The following TTI1 variants were observed in gnomAD, a reference collection of about 807,000 sequenced individuals.
TTI1 encodes TELO2 interacting protein 1, also known as TELO2-interacting protein 1 homolog.
In TTI1, 52 loss-of-function variants were observed where a neutral mutation model predicts 85.4. The observed-to-expected ratio is 0.61, with a 90% confidence interval of 0.49 to 0.77. The LOEUF is 0.77. Among genes scored for constraint, TTI1 ranks in the 30% least tolerant of loss-of-function variants. The pLI is 0.00. For synonymous variants in TTI1, 512 were observed against 503.9 expected (o/e 1.02, Z -0.22); for missense variants, 1,173 against 1,296.0 (o/e 0.91, Z 1.46).
rs2073146601 is a variant in TTI1, at chr20:37,983,378, A to G, written c.*78T>C. 1.1e-5 allele frequency: 16 copies of G among 1,465,228 alleles called. No individual in the cohort carries two copies. Among genetic ancestry groups the G allele is most frequent in the Non-Finnish European group, 1.3e-5 (14 of 1,089,526 alleles). 90.8% of individuals were successfully genotyped at this position (1,465,228 alleles called of 1,614,324 possible). On this transcript the variant is annotated 3_prime_UTR_variant, in exon 8 of 8. Transcript: ENST00000373447. ...TTCTCTGCTGCCGCTGCCACCGCCT[A>G]TGGCCGGGGTGGGGTCAGCCCAGCT...
At chr20:38,019,706 A>G (rs983669789) in intron 1 of TTI1, among the ~76,000 whole-genome samples, 6 of 152,266 alleles carry the variant, frequency 3.9e-5, no homozygotes, top group African/African-American at 1.4e-4. Flanking sequence ...AGTACAACTA[A>G]AACAGCGATT....
At chr20:37,991,377 A>G (rs1380512974) in intron 7 of TTI1, among the ~76,000 whole-genome samples, 2 of 152,236 alleles carry the variant, frequency 1.3e-5, no homozygotes, top group African/African-American at 2.4e-5. Context: ...CCGTTCAAAT[A>G]TAATAGGCTC....
chr20:37,991,569 C>T (rs2073265627), intron 7 of TTI1, among the ~76,000 whole-genome samples: 1 of 152,222 alleles, frequency 6.6e-6, no homozygotes. Flanking sequence ...GTCCTGACTT[C>T]TGCAAACAGT....
intron 1 of TTI1, among the ~76,000 whole-genome samples, chr20:38,033,122 G>A (rs1331556357): frequency 6.6e-6 from 1 of 152,172 alleles, no homozygotes; most frequent in African/African-American, 2.4e-5. Flanking sequence ...CACCAGGTGA[G>A]AAAGGGGATG....
At chr20:37,999,142 C>T (rs764267482) in intron 5 of TTI1, 46 bp downstream of exon 5, 14 of 1,328,496 alleles carry the variant, frequency 1.1e-5, no homozygotes, top group East Asian at 8.4e-5. Context: ...TCTGTGCCTA[C>T]TAACTCTACC....
intron 1 of TTI1, among the ~76,000 whole-genome samples, chr20:38,026,947 T>C (rs1443188581): frequency 2.0e-5 from 3 of 152,106 alleles, no homozygotes; most frequent in African/African-American, 7.2e-5. Flanking sequence ...CTTTGCTAGG[T>C]AAAGGTAAGT....
rs1159604655 is a variant in TTI1, at chr20:38,020,323, A to AATATATATATATATAT, written c.-41-6482_-41-6467dup. On this transcript the variant is annotated intron_variant, in intron 1 of 7. Transcript: ENST00000373447. Reference sequence around the variant, plus strand: ...GGCTACTCATATGAAAAAAAAAAAAAATATATATATATATATATATATATA... The same window carrying AATATATATATATATAT: ...GGCTACTCATATGAAAAAAAAAAAAAATATATATATATATATATATATATATATATATATATATATA... Among the ~76,000 whole-genome samples, 111 of 50,328 alleles carry AATATATATATATATAT rather than the reference A, an allele frequency of 2.2e-3. 1 individual carries two copies. Among genetic ancestry groups the AATATATATATATATAT allele is most frequent in the Middle Eastern group, 0.013 (1 of 78 alleles). The allele number at this position is 50,328 out of a possible 152,430, so 33.0% of individuals were successfully genotyped here.
intron 1 of TTI1, among the ~76,000 whole-genome samples, chr20:38,031,588 T>C (rs73905527): frequency 5.0e-4 from 76 of 152,366 alleles, no homozygotes; most frequent in African/African-American, 1.8e-3. Flanking sequence ...TATTCTAAAC[T>C]TGCATGTTTG....
rs2073496861 is a variant in TTI1, at chr20:38,006,268, T to C, written c.2432A>G (p.Gln811Arg). 1 of 1,614,210 alleles carries C rather than the reference T, an allele frequency of 6.2e-7. No individual in the cohort carries two copies. Among genetic ancestry groups the C allele is most frequent in the Non-Finnish European group, 8.5e-7 (1 of 1,180,030 alleles). The change falls in exon 3 of 8, where the codon CAG becomes CGG. Residue 811 changes from glutamine (Q) to arginine (R), a missense_variant. Transcript: ENST00000373447. The stretch of plus-strand genomic sequence containing the variant: ...CTCTTTGAGGTAGTTCAGCAAAAAC[T>C]GTTCGATGTCTTCAGCTGTGGTGGT... Reference protein sequence around the residue: ...KSTTTAEDIEQFLLNYLKEKD... With the variant: ...KSTTTAEDIERFLLNYLKEKD...
chr20:38,017,433 T>TGCGC (rs1301787772), intron 1 of TTI1, among the ~76,000 whole-genome samples: 2 of 149,026 alleles, frequency 1.3e-5, no homozygotes, highest in African/African-American at 5.1e-5. Flanking sequence ...TGTGTGTGTG[T>TGCGC]GTGCGCGCGC....
intron 1 of TTI1, among the ~76,000 whole-genome samples, chr20:38,014,358 C>T (rs12480128): frequency 0.023 from 3,567 of 152,204 alleles, 69 homozygotes; most frequent in Non-Finnish European, 0.033. Flanking sequence ...CAAAATAATT[C>T]CAACAACCTA....
Position 38,013,571 on chromosome 20 carries a change from A to G in TTI1, c.246T>C (p.Leu82=). 2 of 1,614,252 alleles carry G rather than the reference A, an allele frequency of 1.2e-6. No homozygotes were observed. Among genetic ancestry groups the G allele is most frequent in the Non-Finnish European group, 1.7e-6 (2 of 1,180,044 alleles). ...QSVVECLTFV[L]SSTCVKEQEL... ...CCTGTTCTTTCACACATGTTGAAGA[A>G]AGGACAAATGTGAGGCATTCCACCA... Residue 82 remains leucine, a synonymous_variant, in exon 2 of 8, where the codon CTT becomes CTC. Coordinates refer to ENST00000373447, the MANE Select transcript of TTI1 (RefSeq NM_001303457.2).
At chr20:38,021,693 G>A (rs1307433253) in intron 1 of TTI1, among the ~76,000 whole-genome samples, 2 of 152,184 alleles carry the variant, frequency 1.3e-5, no homozygotes, top group African/African-American at 4.8e-5. Flanking sequence ...TTGGCAAGTA[G>A]GCACTGGAGA....
At position 38,011,727 on chromosome 20, in the gene TTI1, T is replaced by C. The variant is rs1245807098; in HGVS notation, c.2090A>G (p.Tyr697Cys). 6.2e-7 allele frequency: 1 copy of C among 1,614,148 alleles called. No individual in the cohort carries two copies. Among genetic ancestry groups the C allele is most frequent in the Middle Eastern group, 1.6e-4 (1 of 6,062 alleles). ...LQHLINQNSD[Y>C]LVNGISLNLR... ...ATTTAAAGAGATCCCATTCACTAAA[T>C]AGTCTGAATTTTGATTGATCAGGTG... is the stretch of plus-strand genomic sequence containing the variant. Residue 697 changes from tyrosine (Y) to cysteine (C), a missense_variant, in exon 2 of 8, where the codon TAT (tyrosine) becomes TGT (cysteine). By Grantham distance (194) the Tyr-to-Cys change is radical. Transcript: ENST00000373447.
intron 7 of TTI1, 74 bp downstream of exon 7, chr20:37,996,301 C>A: frequency 6.6e-7 from 1 of 1,520,494 alleles, no homozygotes; most frequent in Non-Finnish European, 9.1e-7. Flanking sequence ...GATGCCTCAA[C>A]TCTGCTTGCC....
chr20:38,011,987 G>A lies in TTI1; in HGVS notation c.1830C>T (p.Phe610=). The A allele has an allele frequency of 1.9e-6, 3 of 1,614,234 alleles. No individual in the cohort carries two copies. The highest frequency in any genetic ancestry group is 2.5e-6 in the Non-Finnish European group (3 of 1,180,042). Reference sequence around the variant, plus strand: ...AGCAAATAGTGGGACTTGGCTTTGAGAAGGCTAGAAAAGATGTAACTTGGC... The same window carrying A: ...AGCAAATAGTGGGACTTGGCTTTGAAAAGGCTAGAAAAGATGTAACTTGGC... ...HTCQVTSFLA[F]SKPSPTICSM... The change falls in exon 2 of 8, where the codon TTC becomes TTT. Residue 610 remains phenylalanine, a synonymous_variant. Coordinates refer to ENST00000373447, the MANE Select transcript of TTI1 (RefSeq NM_001303457.2).
chr20:38,009,569 A>G (rs2073551772), intron 2 of TTI1, among the ~76,000 whole-genome samples: 1 of 151,748 alleles, frequency 6.6e-6, no homozygotes, highest in Non-Finnish European at 1.5e-5. Context: ...GCAGTGGTGC[A>G]ATCATGGCTC....
intron 1 of TTI1, among the ~76,000 whole-genome samples, chr20:38,027,177 C>G (rs1233082003): frequency 1.3e-5 from 2 of 152,096 alleles, no homozygotes. Flanking sequence ...GGTTCCAAGA[C>G]TTCCATGGAT....
intron 1 of TTI1, among the ~76,000 whole-genome samples, chr20:38,024,337 G>A (rs1417183477): frequency 1.3e-5 from 2 of 151,970 alleles, no homozygotes; most frequent in Non-Finnish European, 2.9e-5. Context: ...GATGGAGTAG[G>A]CATACATTTC....
Sources: allele counts gnomAD v4.1 joint callset (sites outside exome capture counted in the v4.1 genomes callset), GRCh38; gene constraint gnomAD v4.1.1; transcripts MANE v1.5; gene names NCBI Gene and HGNC (gene_info 2026-07-23, HGNC 2026-07-21).